CGNL1: variants seen among roughly 807,000 people sequenced by gnomAD.
CGNL1 encodes the protein cingulin like 1.
In CGNL1, 132 loss-of-function variants were observed where a neutral mutation model predicts 141.2. That is an observed-to-expected ratio of 0.93 (90% CI 0.81 to 1.08). CGNL1 has a LOEUF of 1.08. Among genes scored for constraint, CGNL1 ranks in the 50% least tolerant of loss-of-function variants. The pLI is 0.00. For synonymous variants in CGNL1, 690 were observed against 622.1 expected (o/e 1.11, Z -1.63); for missense variants, 1,870 against 1,588.6 (o/e 1.18, Z -3.01).
chr15:57,481,786 C>G (rs2063729570), intron 8 of CGNL1, among the ~76,000 whole-genome samples: 1 of 152,020 alleles, frequency 6.6e-6, no homozygotes, highest in Non-Finnish European at 1.5e-5. Context: ...TCTAGGAGTG[C>G]AATTGCTAGG....
intron 4 of CGNL1, among the ~76,000 whole-genome samples, chr15:57,446,261 C>T (rs1323632375): frequency 6.6e-6 from 1 of 152,064 alleles, no homozygotes; most frequent in Non-Finnish European, 1.5e-5. Context: ...CTATACAGTT[C>T]ATTGAATTTT....
rs1375488435 is a variant in CGNL1, at chr15:57,516,851, G to T, written c.2475G>T (p.Lys825Asn). The T allele has an allele frequency of 1.2e-6, 2 of 1,614,222 alleles. No homozygotes were observed. Among genetic ancestry groups the T allele is most frequent in the Non-Finnish European group, 1.7e-6 (2 of 1,180,038 alleles). The change falls in exon 9 of 19, where the codon AAG (lysine) becomes AAT (asparagine). Residue 825 changes from lysine to asparagine, a missense_variant. Coordinates refer to ENST00000281282, the MANE Select transcript of CGNL1 (RefSeq NM_032866.5). ...QDQAGTEMRVKLLQEENEKLQ... is the reference protein window; with the variant it reads ...QDQAGTEMRVNLLQEENEKLQ... ...AGGCGGGGACTGAAATGCGCGTGAAGCTTCTGCAGGAGGAGAATGAGAAGC... is the reference window on the plus strand; with the variant it reads ...AGGCGGGGACTGAAATGCGCGTGAATCTTCTGCAGGAGGAGAATGAGAAGC...
At chr15:57,435,298 ATGG>A (rs2063092445) in intron 1 of CGNL1, among the ~76,000 whole-genome samples, 3 of 151,996 alleles carry the variant, frequency 2.0e-5, no homozygotes, top group Admixed American at 2.0e-4. Context: ...ACTTGTATGT[ATGG>A]TGTGGTATCC....
At chr15:57,440,872 T>C (rs182015119) in intron 3 of CGNL1, among the ~76,000 whole-genome samples, 138 of 152,220 alleles carry the variant, frequency 9.1e-4, no homozygotes, top group African/African-American at 3.2e-3. Flanking sequence ...AGAGTTAACA[T>C]TGGCCAAGAG....
At chr15:57,547,100 T>C (rs1302307421) in intron 18 of CGNL1, among the ~76,000 whole-genome samples, 1 of 152,226 alleles carries the variant, frequency 6.6e-6, no homozygotes, top group Non-Finnish European at 1.5e-5. Flanking sequence ...AATAACAGCC[T>C]GGGGAAATCA....
At chr15:57,459,504 T>G (rs1434941904) in intron 7 of CGNL1, among the ~76,000 whole-genome samples, 1 of 152,120 alleles carries the variant, frequency 6.6e-6, no homozygotes, top group African/African-American at 2.4e-5. Flanking sequence ...ATCTGGGTCT[T>G]CAAAGATTTT....
chr15:57,518,236 C>T (rs549999109), intron 9 of CGNL1, among the ~76,000 whole-genome samples, 157 bp from the exon 10 acceptor site: 5 of 152,314 alleles, frequency 3.3e-5, no homozygotes, highest in East Asian at 1.9e-4. Flanking sequence ...TCCAAGAACA[C>T]GGCTGTTGTG....
chr15:57,398,605 G>A (rs2062627614), intron 1 of CGNL1, among the ~76,000 whole-genome samples: 1 of 152,196 alleles, frequency 6.6e-6, no homozygotes, highest in African/African-American at 2.4e-5. Flanking sequence ...GGACCCTCAT[G>A]GCAGCGTGTT....
At chr15:57,446,465 A>G (rs935683641) in intron 4 of CGNL1, among the ~76,000 whole-genome samples, 3 of 152,078 alleles carry the variant, frequency 2.0e-5, no homozygotes, top group African/African-American at 2.4e-5. Context: ...AAATTTTACA[A>G]TATGTATTAT....
chr15:57,436,039 T>C (rs2063101662), intron 1 of CGNL1, among the ~76,000 whole-genome samples: 1 of 152,104 alleles, frequency 6.6e-6, no homozygotes, highest in Admixed American at 6.5e-5. Flanking sequence ...ATACTACATA[T>C]GCAACAACTT....
At chr15:57,412,414 C>T (rs563589555) in intron 1 of CGNL1, among the ~76,000 whole-genome samples, 1 of 152,308 alleles carries the variant, frequency 6.6e-6, no homozygotes, top group Admixed American at 6.5e-5. Flanking sequence ...CTCCTCTGGC[C>T]TCTTTGGTGT....
At chr15:57,381,944 A>C (rs1288807520) in intron 1 of CGNL1, among the ~76,000 whole-genome samples, 12 of 152,228 alleles carry the variant, frequency 7.9e-5, no homozygotes, top group Non-Finnish European at 5.9e-5. Flanking sequence ...CTGTGCAGAA[A>C]GTCTCTGAAC....
intron 1 of CGNL1, among the ~76,000 whole-genome samples, chr15:57,409,445 GA>G (rs2062761188): frequency 3.3e-5 from 5 of 152,220 alleles, no homozygotes; most frequent in Admixed American, 3.3e-4. Context: ...TGGCCATGGG[GA>G]GAACAGGTTG....
chr15:57,496,883 A>G (rs1175602693), intron 8 of CGNL1, among the ~76,000 whole-genome samples: 5 of 152,198 alleles, frequency 3.3e-5, no homozygotes, highest in African/African-American at 9.6e-5. Context: ...TCTGGCCACC[A>G]ACAGATGGGT....
At chr15:57,488,328 T>C (rs561915348) in intron 8 of CGNL1, among the ~76,000 whole-genome samples, 2 of 152,190 alleles carry the variant, frequency 1.3e-5, no homozygotes, top group Admixed American at 1.3e-4. Flanking sequence ...TTTGCAAAAT[T>C]TTCTCCCCTT....
intron 1 of CGNL1, among the ~76,000 whole-genome samples, chr15:57,423,160 A>T (rs2062934952): frequency 6.6e-6 from 1 of 152,176 alleles, no homozygotes; most frequent in Non-Finnish European, 1.5e-5. Flanking sequence ...TTAAACACAG[A>T]CCATACCTCT....
Position 57,438,039 on chromosome 15 carries a change from G to A in CGNL1, c.40G>A (p.Glu14Lys), listed in dbSNP as rs2063127992. The A allele has an allele frequency of 1.2e-6, 2 of 1,613,572 alleles. No homozygotes were observed. Among genetic ancestry groups the A allele is most frequent in the Non-Finnish European group, 1.7e-6 (2 of 1,180,012 alleles). Residue 14 changes from glutamate to lysine, a missense_variant, in exon 2 of 19, where the codon GAA (glutamate) becomes AAA (lysine). Physicochemically the swap from Glu to Lys is moderately conservative, Grantham distance 56. Coordinates refer to ENST00000281282, the MANE Select transcript of CGNL1 (RefSeq NM_032866.5). ...YFGEYQHVQQ[E>K]YGVHLRLASD... Reference sequence around the variant, plus strand: ...CGGTGAATATCAACATGTGCAGCAGGAATATGGGGTCCATCTGAGACTCGC... The same window carrying A: ...CGGTGAATATCAACATGTGCAGCAGAAATATGGGGTCCATCTGAGACTCGC...
In CGNL1 at chr15:57,439,424, T is replaced by C. The variant is rs745688534; in HGVS notation, c.1425T>C (p.Gly475=). Residue 475 remains glycine (G), a synonymous_variant, in exon 2 of 19, where the codon GGT becomes GGC. Coordinates refer to ENST00000281282, the MANE Select transcript of CGNL1 (RefSeq NM_032866.5). The part of the protein sequence containing the change: ...NIDGKVLETE[G]SQESTVIRAP... ...ATGGGAAAGTTCTGGAAACCGAAGG[T>C]AGTCAGGAAAGTACAGTGATCCGTG... 6.8e-6 allele frequency: 11 copies of C among 1,614,088 alleles called. No individual in the cohort carries two copies. The highest frequency in any genetic ancestry group is 9.3e-6 in the Non-Finnish European group (11 of 1,180,004).
At chr15:57,429,038 TAAAAA>T (rs58040196) in intron 1 of CGNL1, among the ~76,000 whole-genome samples, 2 of 141,974 alleles carry the variant, frequency 1.4e-5, no homozygotes, top group Non-Finnish European at 3.1e-5. Context: ...ACAACAGCAA[TAAAAA>T]AAAAAAAAGT....
Sources: gnomAD v4.1 joint callset for allele counts (sites outside exome capture counted in the v4.1 genomes callset) on GRCh38, gnomAD v4.1.1 for gene constraint, MANE v1.5 for transcripts, NCBI Gene and HGNC (gene_info 2026-07-23, HGNC 2026-07-21) for gene names.